The following MGAM2 variants were observed in gnomAD, a reference collection of about 807,000 sequenced individuals.
The protein encoded by MGAM2 is maltase-glucoamylase 2 (putative).
A neutral mutation model predicts 96.1 loss-of-function variants in MGAM2; 98 were observed. That is an observed-to-expected ratio of 1.02 (90% CI 0.87 to 1.21). The LOEUF (loss-of-function observed/expected upper bound fraction) is 1.21, where lower values mean the gene tolerates loss of function less well. Ranked by LOEUF, MGAM2 falls within the 50% of genes most tolerant of loss-of-function variation. MGAM2 has a pLI of 0.00. For synonymous variants in MGAM2, 749 were observed against 414.8 expected (o/e 1.81, Z -9.79); for missense variants, 2,055 against 1,182.4 (o/e 1.74, Z -10.82).
At chr7:142,166,457 A>G (rs1171743953) in intron 25 of MGAM2, among the ~76,000 whole-genome samples, 2 of 152,174 alleles carry the variant, frequency 1.3e-5, no homozygotes, top group African/African-American at 2.4e-5. Flanking sequence ...CACTCCAACC[A>G]TATCATTAAA....
In MGAM2 at chr7:142,120,262, C is replaced by G. The variant is rs1319618499; in HGVS notation, c.107-40C>G. 5.7e-6 allele frequency: 4 copies of G among 700,926 alleles called. No homozygotes were observed. The South Asian group carries it at 5.9e-5, about 10-fold the overall frequency. The allele number at this position is 700,926 out of a possible 1,614,324, so 43.4% of individuals were successfully genotyped here. On this transcript the variant is annotated intron_variant, in intron 2 of 47. Coordinates refer to ENST00000477922, the MANE Select transcript of MGAM2 (RefSeq NM_001293626.2). ...GGCTTCCTTCCTGGAGCTGTGATTA[C>G]ACTACACATTTTCAACTTTATCCTT...
chr7:142,198,768 C>T (rs1797132999), intron 44 of MGAM2, 29 bp downstream of exon 44: 1 of 699,968 alleles, frequency 1.4e-6, no homozygotes, highest in Admixed American at 2.0e-5. Context: ...GTCTAACAGC[C>T]TCTTGCTATA....
intron 15 of MGAM2, among the ~76,000 whole-genome samples, chr7:142,151,632 A>G (rs1795581273): frequency 1.3e-5 from 2 of 152,228 alleles, no homozygotes; most frequent in Admixed American, 6.5e-5. Flanking sequence ...AGAAAGAGTA[A>G]GAAAGGGTTG....
intron 1 of MGAM2, among the ~76,000 whole-genome samples, chr7:142,112,480 T>C (rs1453054411): frequency 6.6e-6 from 1 of 152,144 alleles, no homozygotes; most frequent in Admixed American, 6.5e-5. Flanking sequence ...GAATAATGCC[T>C]TTGCTGTGGT....
At chr7:142,158,362 G>A (rs745558187) in intron 19 of MGAM2, 30 bp downstream of exon 19, 3 of 702,410 alleles carry the variant, frequency 4.3e-6, no homozygotes, top group Non-Finnish European at 7.8e-6. Context: ...AATGAAAGGG[G>A]GTATTGCACT....
rs78627645 is a variant in MGAM2 at position 142,216,879 on chromosome 7, G to T, written c.5188-1482G>T. ...TGCTACAACTATCTCCTTGATTATTGCATGTAATCTTCAAAATCTTTCCTT... is the reference window on the plus strand; with the variant it reads ...TGCTACAACTATCTCCTTGATTATTTCATGTAATCTTCAAAATCTTTCCTT... On this transcript the variant is annotated intron_variant, in intron 46 of 47. Coordinates refer to ENST00000477922, the MANE Select transcript of MGAM2 (RefSeq NM_001293626.2). Among the ~76,000 whole-genome samples, 711 of 152,142 alleles carry T rather than the reference G, an allele frequency of 4.7e-3. 10 individuals are homozygous for T. The East Asian group carries it at 0.066, about 14-fold the overall frequency.
intron 1 of MGAM2, among the ~76,000 whole-genome samples, chr7:142,114,596 C>G (rs1386518033): frequency 6.6e-6 from 1 of 152,054 alleles, no homozygotes; most frequent in African/African-American, 2.4e-5. Flanking sequence ...GAAAGATATT[C>G]AGAGAGTGAA....
chr7:142,127,753 A>T (rs1331180226), intron 3 of MGAM2, among the ~76,000 whole-genome samples: 5 of 152,144 alleles, frequency 3.3e-5, no homozygotes, highest in Non-Finnish European at 7.4e-5. Context: ...CACTTCCTTC[A>T]TCTTCCACCA....
At chr7:142,200,550 T>C (rs1478734073) in intron 45 of MGAM2, among the ~76,000 whole-genome samples, 1 of 152,188 alleles carries the variant, frequency 6.6e-6, no homozygotes, top group African/African-American at 2.4e-5. Flanking sequence ...CAGAACACCC[T>C]CTAACTCAGA....
intron 7 of MGAM2, 85 bp downstream of exon 7, chr7:142,134,237 A>G: frequency 4.9e-6 from 3 of 614,246 alleles, no homozygotes; most frequent in Middle Eastern, 2.5e-4. Context: ...GAATACATCT[A>G]TTTTACTTTG....
intron 45 of MGAM2, among the ~76,000 whole-genome samples, chr7:142,204,061 CTCT>C (rs1797323050): frequency 6.6e-6 from 1 of 151,982 alleles, no homozygotes; most frequent in Non-Finnish European, 1.5e-5. Flanking sequence ...TATTTGTCAT[CTCT>C]TTTTTTTCTC....
chr7:142,186,103 A>G lies in MGAM2; in HGVS notation c.4102A>G (p.Lys1368Glu). The G allele has an allele frequency of 1.4e-6, 1 of 705,644 alleles. No homozygotes were observed. The highest frequency in any genetic ancestry group is 1.5e-5 in the South Asian group (1 of 67,584). The allele number at this position is 705,644 out of a possible 1,614,324, so 43.7% of individuals were successfully genotyped here. ...ANPREPEKSL[K>E]FDGLWIDMNE... Reference sequence around the variant, plus strand: ...CCCTCGAGAGCCAGAGAAGAGCTTGAAGTTTGATGGATTGTGGATTGTAAG... The same window carrying G: ...CCCTCGAGAGCCAGAGAAGAGCTTGGAGTTTGATGGATTGTGGATTGTAAG... The change falls in exon 35 of 48, where the codon AAG (lysine) becomes GAG (glutamate). Residue 1368 changes from lysine (K) to glutamate (E), a missense_variant. Coordinates refer to ENST00000477922, the MANE Select transcript of MGAM2 (RefSeq NM_001293626.2).
At chr7:142,203,894 A>G (rs1797318625) in intron 45 of MGAM2, among the ~76,000 whole-genome samples, 1 of 152,148 alleles carries the variant, frequency 6.6e-6, no homozygotes, top group African/African-American at 2.4e-5. Context: ...TAAAAATCCT[A>G]GAAGGAAATG....
At chr7:142,159,472 T>A in intron 20 of MGAM2, 129 bp downstream of exon 20, 1 of 612,256 alleles carries the variant, frequency 1.6e-6, no homozygotes, top group Non-Finnish European at 3.0e-6. Context: ...TGGTCCTTTT[T>A]CTGTGAGAAA....
Position 142,134,160 on chromosome 7 carries a change from G to T in MGAM2, c.747+8G>T. The T allele has an allele frequency of 1.4e-6, 1 of 733,488 alleles. No homozygotes were observed. 45.4% of individuals were successfully genotyped at this position (733,488 alleles called of 1,614,324 possible). On this transcript the variant is annotated splice_region_variant and intron_variant, in intron 7 of 47. Coordinates refer to ENST00000477922, the MANE Select transcript of MGAM2 (RefSeq NM_001293626.2). ...GACGCTACCCCCACCGAGGTGAGGT[G>T]GCTTTCCTCCTGAGTATCGCCCACA...
chr7:142,204,167 T>A (rs1272474149), intron 45 of MGAM2, among the ~76,000 whole-genome samples: 1 of 152,040 alleles, frequency 6.6e-6, no homozygotes, highest in Non-Finnish European at 1.5e-5. Flanking sequence ...CTTAGCAATG[T>A]TTTATAATTT....
Position 142,220,697 on chromosome 7 carries a change from C to T in MGAM2, c.6186C>T (p.Thr2062=), listed in dbSNP as rs771629562. The T allele has an allele frequency of 2.8e-6, 2 of 702,228 alleles. No individual in the cohort carries two copies. The highest frequency in any genetic ancestry group is 3.0e-5 in the South Asian group (2 of 67,588). The allele number at this position is 702,228 out of a possible 1,614,324, so 43.5% of individuals were successfully genotyped here. A position where few individuals can be genotyped will look rare whatever the true frequency, so the allele number is the denominator to read the frequency against. The change falls in exon 48 of 48, where the codon ACC becomes ACT. Residue 2062 remains threonine, a synonymous_variant. Coordinates refer to ENST00000477922, the MANE Select transcript of MGAM2 (RefSeq NM_001293626.2). ...CTAGTGCTACTGTTCCTATTACAAC[C>T]ACACCTTCCCCTACAAATACTGCTG... ...TSTSATVPIT[T]TPSPTNTADA... is the part of the protein sequence containing the mutation.
At position 142,121,054 on chromosome 7, in the gene MGAM2, A is replaced by G. The variant is rs1794555084; in HGVS notation, c.186+673A>G. Among the ~76,000 whole-genome samples the G allele has an allele frequency of 3.9e-5, 6 of 152,248 alleles. No homozygotes were observed. In the South Asian group the frequency reaches 1.2e-3, roughly 31 times the overall value. The stretch of plus-strand genomic sequence containing the variant: ...TCTATATCTTCTTGAGATATTAATT[A>G]GGACAGTATTGAATTTTAGGTTAAA... On this transcript the variant is annotated intron_variant, in intron 3 of 47. Transcript: ENST00000477922.
chr7:142,122,219 C>T (rs1290624458), intron 3 of MGAM2, among the ~76,000 whole-genome samples: 1 of 152,276 alleles, frequency 6.6e-6, no homozygotes, highest in Admixed American at 6.5e-5. Context: ...ATTAATCTAT[C>T]TGATTTCTAT....
Sources: allele counts gnomAD v4.1 joint callset (sites outside exome capture counted in the v4.1 genomes callset), GRCh38; gene constraint gnomAD v4.1.1; transcripts MANE v1.5; gene names NCBI Gene and HGNC (gene_info 2026-07-23, HGNC 2026-07-21).